Variants in C17orf107 observed in about 807,000 individuals in gnomAD.
The protein encoded by C17orf107 is chromosome 17 open reading frame 107.
In C17orf107, 9 loss-of-function variants were observed where a neutral mutation model predicts 8.9. That is an observed-to-expected ratio of 1.02 (90% CI 0.61 to 1.77). The LOEUF is 1.77. C17orf107 is among the 40% of genes most tolerant of loss of function. The pLI, the probability that C17orf107 is intolerant of heterozygous loss-of-function variation, is 0.00. For missense variants in C17orf107, 281 were observed against 249.0 expected, an observed-to-expected ratio of 1.13 and a Z score of -0.86; for synonymous variants, 139 against 120.3, an observed-to-expected ratio of 1.16 and a Z score of -1.02.
chr17:4,903,146 G>A, downstream of C17orf107: 19 of 1,400,530 alleles, frequency 1.4e-5, no homozygotes, highest in Non-Finnish European at 1.8e-5. Flanking sequence ...AGGGGGAGGA[G>A]GGTGTTAGTT....
In C17orf107 at chr17:4,901,788, G is replaced by T. The variant is rs111897419; in HGVS notation, c.*1255G>T. ...TGTTCCCATCTGTACCTCCGGCCGC[G>T]CTGGAGCGTCCCACCCAGTGCCTAC... On this transcript the variant is annotated 3_prime_UTR_variant, in exon 3 of 3. Transcript: ENST00000381365. 128 of 1,331,426 alleles carry T rather than the reference G, an allele frequency of 9.6e-5. 2 individuals carry two copies. Among genetic ancestry groups the T allele is most frequent in the Middle Eastern group, 7.8e-4 (3 of 3,866 alleles). 82.5% of individuals were successfully genotyped at this position (1,331,426 alleles called of 1,614,324 possible). A position where few individuals can be genotyped will look rare whatever the true frequency, so the allele number is the denominator to read the frequency against.
Position 4,899,780 on chromosome 17 carries a change from C to T in C17orf107, c.18C>T (p.Ser6=), listed in dbSNP as rs1299190856. The change falls in exon 1 of 3, where the codon AGC becomes AGT. Residue 6 remains serine, a synonymous_variant. Transcript: ENST00000381365. Reference sequence around the variant, plus strand: ...TGGCGGCCATGAAGGGGACCCCCAGCTCCCTGGACACCCTGATGTGGATCT... The same window carrying T: ...TGGCGGCCATGAAGGGGACCCCCAGTTCCCTGGACACCCTGATGTGGATCT... MKGTP[S]SLDTLMWIYH... is the part of the protein sequence containing the mutation. 12 of 1,551,328 alleles carry T rather than the reference C, an allele frequency of 7.7e-6. No homozygotes were observed. Among genetic ancestry groups the T allele is most frequent in the Admixed American group, 2.0e-5 (1 of 51,008 alleles).
Position 4,902,533 on chromosome 17 carries a change from A to C in C17orf107, c.*2000A>C. 6.2e-7 allele frequency: 1 copy of C among 1,614,126 alleles called. No individual in the cohort carries two copies. Among genetic ancestry groups the C allele is most frequent in the Non-Finnish European group, 8.5e-7 (1 of 1,179,998 alleles). On this transcript the variant is annotated 3_prime_UTR_variant, in exon 3 of 3. Coordinates refer to ENST00000381365, the MANE Select transcript of C17orf107 (RefSeq NM_001145536.2). The surrounding 1 kb of genome is among the most constrained non-coding windows in gnomAD (Gnocchi z 4.0). The stretch of plus-strand genomic sequence containing the variant: ...ATGGGGATGATTGAAGTGAGATTTC[A>C]GGGCCAGAAGTGAGCTTTAGGACAG...
chr17:4,902,333 G>A lies in C17orf107; in HGVS notation c.*1800G>A, dbSNP rs935955868. On this transcript the variant is annotated 3_prime_UTR_variant, in exon 3 of 3. Coordinates refer to ENST00000381365, the MANE Select transcript of C17orf107 (RefSeq NM_001145536.2). The surrounding 1 kb of genome is among the most constrained non-coding windows in gnomAD (Gnocchi z 4.0). ...GTCGGTAATCCTGCCAATCCTAAGG[G>A]GTGGGGGATGGAAGGCCGCGTGCCC... is the stretch of plus-strand genomic sequence containing the variant. The A allele has an allele frequency of 1.1e-5, 18 of 1,614,136 alleles. No homozygotes were observed. The highest frequency in any genetic ancestry group is 1.5e-5 in the Non-Finnish European group (18 of 1,179,994).
chr17:4,901,027 C>G lies in C17orf107; in HGVS notation c.*494C>G, dbSNP rs767945817. 2 of 1,614,000 alleles carry G rather than the reference C, an allele frequency of 1.2e-6. No individual in the cohort carries two copies. The highest frequency in any genetic ancestry group is 8.5e-7 in the Non-Finnish European group (1 of 1,179,942). On this transcript the variant is annotated 3_prime_UTR_variant, in exon 3 of 3. Coordinates refer to ENST00000381365, the MANE Select transcript of C17orf107 (RefSeq NM_001145536.2). ...GGAAGTAGGCGAGCAGCACCAGGCC[C>G]GAGATGAGCACACAGGGCACGATGA...
chr17:4,900,008 A>T lies in C17orf107; in HGVS notation c.139A>T (p.Arg47Trp), dbSNP rs758070087. The change falls in exon 2 of 3, where the codon AGG becomes TGG. Residue 47 changes from arginine to tryptophan, a missense_variant. Arg to Trp is a moderately radical substitution (Grantham distance 101, BLOSUM62 -3). Coordinates refer to ENST00000381365, the MANE Select transcript of C17orf107 (RefSeq NM_001145536.2). The stretch of plus-strand genomic sequence containing the variant: ...CGCAGCCCATGAATATCTGGAGCAG[A>T]GGTTCAGAGAGCTGAAGTCCCTGGA... ...VAAAHEYLEQRFRELKSLEPP... is the reference protein window; with the variant it reads ...VAAAHEYLEQWFRELKSLEPP... 1.7e-5 allele frequency: 26 copies of T among 1,551,408 alleles called. No homozygotes were observed. Among genetic ancestry groups the T allele is most frequent in the Non-Finnish European group, 2.2e-5 (25 of 1,147,002 alleles).
downstream of C17orf107, among the ~76,000 whole-genome samples, chr17:4,904,754 G>T (rs922605974): frequency 6.6e-6 from 1 of 152,046 alleles, no homozygotes; most frequent in Non-Finnish European, 1.5e-5. Context: ...ATCACCTTTG[G>T]GTCTCCTTCC....
downstream of C17orf107, among the ~76,000 whole-genome samples, chr17:4,906,704 T>A (rs1481251416): frequency 2.0e-5 from 3 of 151,738 alleles, no homozygotes; most frequent in Admixed American, 1.3e-4. Context: ...ATAAATAAAA[T>A]TTTAAAAAAC....
chr17:4,899,771 G>A lies in C17orf107; in HGVS notation c.9G>A (p.Gly3=), dbSNP rs539314116. The change falls in exon 1 of 3, where the codon GGG becomes GGA. Residue 3 remains glycine, a synonymous_variant. Coordinates refer to ENST00000381365, the MANE Select transcript of C17orf107 (RefSeq NM_001145536.2). MK[G]TPSSLDTLMW... is the part of the protein sequence containing the mutation. Reference sequence around the variant, plus strand: ...TACCACTTGTGGCGGCCATGAAGGGGACCCCCAGCTCCCTGGACACCCTGA... The same window carrying A: ...TACCACTTGTGGCGGCCATGAAGGGAACCCCCAGCTCCCTGGACACCCTGA... 1 of 1,551,094 alleles carries A rather than the reference G, an allele frequency of 6.4e-7. No individual in the cohort carries two copies. Among genetic ancestry groups the A allele is most frequent in the Non-Finnish European group, 8.7e-7 (1 of 1,146,948 alleles).
In C17orf107 at chr17:4,902,607, TG is replaced by T. The variant is rs35905809; in HGVS notation, c.*2079del. The stretch of plus-strand genomic sequence containing the variant: ...TGGGATTTTTGGCTTAAGATGAGGG[TG>T]GGGGTAGCTTACCAGTGAGATGAGA... On this transcript the variant is annotated 3_prime_UTR_variant, in exon 3 of 3. Coordinates refer to ENST00000381365, the MANE Select transcript of C17orf107 (RefSeq NM_001145536.2). The surrounding 1 kb of genome is among the most constrained non-coding windows in gnomAD (Gnocchi z 4.0). 1.2e-6 allele frequency: 2 copies of T among 1,613,776 alleles called. No homozygotes were observed. The highest frequency in any genetic ancestry group is 1.7e-5 in the Admixed American group (1 of 59,972).
chr17:4,903,885 T>C (rs1429069326), downstream of C17orf107, among the ~76,000 whole-genome samples: 1 of 152,210 alleles, frequency 6.6e-6, no homozygotes, highest in Non-Finnish European at 1.5e-5. Context: ...TGAGACCAAG[T>C]CTCGCTCTGG....
chr17:4,901,131 C>A lies in C17orf107; in HGVS notation c.*598C>A. 3.1e-6 allele frequency: 5 copies of A among 1,612,440 alleles called. No homozygotes were observed. The highest frequency in any genetic ancestry group is 4.2e-6 in the Non-Finnish European group (5 of 1,179,926). On this transcript the variant is annotated 3_prime_UTR_variant, in exon 3 of 3. Coordinates refer to ENST00000381365, the MANE Select transcript of C17orf107 (RefSeq NM_001145536.2). ...TCAGTCTCCCCTGGGCCGTCGGTGGCGCCACCGTGGTGGCGGCGGATCACC... is the reference window on the plus strand; with the variant it reads ...TCAGTCTCCCCTGGGCCGTCGGTGGAGCCACCGTGGTGGCGGCGGATCACC...
rs764886473 is a variant in C17orf107, at chr17:4,900,217, C to T, written c.277-20C>T. 2.6e-6 allele frequency: 4 copies of T among 1,545,404 alleles called. No individual in the cohort carries two copies. Among genetic ancestry groups the T allele is most frequent in the South Asian group, 2.4e-5 (2 of 83,600 alleles). ...ACAAGGACCTCTGCCTCCCCGCTAA[C>T]CCCTGTGCCCCCAATGCAGATCTCA... is the stretch of plus-strand genomic sequence containing the variant. On this transcript the variant is annotated intron_variant, in intron 2 of 2. Coordinates refer to ENST00000381365, the MANE Select transcript of C17orf107 (RefSeq NM_001145536.2).
downstream of C17orf107, chr17:4,903,104 G>T: frequency 6.2e-7 from 1 of 1,611,366 alleles, no homozygotes; most frequent in African/African-American, 1.3e-5. Context: ...GCTCTGGCAG[G>T]CTTGGAGGGG....
In C17orf107 at chr17:4,900,514, C is replaced by A; in HGVS notation, c.554C>A (p.Ser185Ter). ...GLGIPGEPVSSGHGVS is the reference protein window; with the variant it reads ...GLGIPGEPVS ...GGAATCCCCGGAGAACCGGTGAGCT[C>A]AGGACACGGGGTGAGTTAGGGGCCA... The change falls in exon 3 of 3, where the codon TCA becomes TAA. Residue 185 changes from serine to a stop codon, truncating the protein, a stop_gained. Coordinates refer to ENST00000381365, the MANE Select transcript of C17orf107 (RefSeq NM_001145536.2). LOFTEE classifies it low-confidence loss of function (END_TRUNC). 1 of 1,550,860 alleles carries A rather than the reference C, an allele frequency of 6.4e-7. No homozygotes were observed.
chr17:4,906,576 A>G (rs750415548), downstream of C17orf107, among the ~76,000 whole-genome samples: 8 of 152,172 alleles, frequency 5.3e-5, no homozygotes, highest in Non-Finnish European at 1.0e-4. Context: ...CCAAACAGGT[A>G]TAAGAAAACG....
chr17:4,901,083 GGAT>G lies in C17orf107; in HGVS notation c.*556_*558del, dbSNP rs2151097320. 1.4e-5 allele frequency: 23 copies of G among 1,613,872 alleles called. No individual in the cohort carries two copies. Among genetic ancestry groups the G allele is most frequent in the Non-Finnish European group, 1.9e-5 (23 of 1,179,970 alleles). Reference sequence around the variant, plus strand: ...ATGACGTAGAAGAGCGGCTTCCGGCGGATGATGAGCGAGTAGATGACGTCAGTC... The same window carrying G: ...ATGACGTAGAAGAGCGGCTTCCGGCGGATGAGCGAGTAGATGACGTCAGTC... On this transcript the variant is annotated 3_prime_UTR_variant, in exon 3 of 3. Coordinates refer to ENST00000381365, the MANE Select transcript of C17orf107 (RefSeq NM_001145536.2).
At chr17:4,903,287 T>A (rs1970043375), downstream of C17orf107, among the ~76,000 whole-genome samples, 1 of 152,126 alleles carries the variant, frequency 6.6e-6, no homozygotes, top group African/African-American at 2.4e-5. Flanking sequence ...CCCAGCGTCC[T>A]TTGCCTGGTA....
In C17orf107 at chr17:4,900,875, CGTT is replaced by C; in HGVS notation, c.*344_*346del. The C allele has an allele frequency of 3.1e-6, 5 of 1,614,180 alleles. No homozygotes were observed. The highest frequency in any genetic ancestry group is 4.2e-6 in the Non-Finnish European group (5 of 1,180,000). ...AAGAAGACGGTCTGGGCGAGCAGGA[CGTT>C]GATGGAGACCGTGCATTTCTGGCCG... On this transcript the variant is annotated 3_prime_UTR_variant, in exon 3 of 3. Coordinates refer to ENST00000381365, the MANE Select transcript of C17orf107 (RefSeq NM_001145536.2).
Sources: allele counts gnomAD v4.1 joint callset (sites outside exome capture counted in the v4.1 genomes callset), GRCh38; gene constraint gnomAD v4.1.1; non-coding constraint Gnocchi (gnomAD v3.1); transcripts MANE v1.5; gene names NCBI Gene and HGNC (gene_info 2026-07-23, HGNC 2026-07-21).